The following HSPH1 variants were observed in gnomAD, a reference collection of about 807,000 sequenced individuals.
HSPH1 encodes the protein heat shock protein 105 kDa.
In HSPH1, 40 loss-of-function variants were observed where a neutral mutation model predicts 100.0. The observed-to-expected ratio is 0.40, with a 90% CI of 0.31 to 0.52. HSPH1 has a LOEUF of 0.52. Ranked by LOEUF, HSPH1 falls within the 20% of genes least tolerant of loss-of-function variation. The pLI, the probability that HSPH1 is intolerant of heterozygous loss-of-function variation, is 0.54. For missense variants in HSPH1, 876 were observed against 1,015.1 expected (o/e 0.86, Z 1.86); for synonymous variants, 403 against 344.0 (o/e 1.17, Z -1.90).
rs145814038 is a variant in HSPH1 at position 31,150,319 on chromosome 13, T to A, written c.909-137A>T. On this transcript the variant is annotated intron_variant, in intron 7 of 17. Transcript: ENST00000320027. The stretch of plus-strand genomic sequence containing the variant: ...GGGCCAAGTTTAGCTGTATTGTAGT[T>A]TATAGCTCTTTTGTTTTTGATAAAT... 3.0e-5 allele frequency: 18 copies of A among 603,634 alleles called. No individual in the cohort carries two copies. The African/African-American group carries it at 3.4e-4, about 11-fold the overall frequency. 37.4% of individuals were successfully genotyped at this position (603,634 alleles called of 1,614,324 possible). A position where few individuals can be genotyped will look rare whatever the true frequency, so the allele number is the denominator to read the frequency against.
intron 6 of HSPH1, 21 bp downstream of exon 6, chr13:31,151,588 A>G: frequency 6.3e-7 from 1 of 1,599,436 alleles, no homozygotes. Flanking sequence ...TTGGACACTG[A>G]GTTCCAATGT....
At chr13:31,144,071 A>G (rs1593187626) in intron 11 of HSPH1, 148 bp from the exon 12 acceptor site, 1 of 619,882 alleles carries the variant, frequency 1.6e-6, no homozygotes, top group Non-Finnish European at 2.4e-6. Flanking sequence ...CAAAATGAAC[A>G]AAGTACTTGA....
At position 31,138,500 on chromosome 13, in the gene HSPH1, C is replaced by T; in HGVS notation, c.2277G>A (p.Met759Ile). The T allele has an allele frequency of 1.2e-6, 2 of 1,612,894 alleles. No individual in the cohort carries two copies. The highest frequency in any genetic ancestry group is 1.1e-5 in the South Asian group (1 of 91,036). The change falls in exon 17 of 18, where the codon ATG (methionine) becomes ATA (isoleucine). Residue 759 changes from methionine to isoleucine, a missense_variant. Transcript: ENST00000320027. The part of the protein sequence containing the change: ...KKVEKSVNEV[M>I]EWMNNVMNAQ... ...CATTCATGACATTATTCATCCATTC[C>T]ATCACTTCATTAACAGACTTCTCCA... is the stretch of plus-strand genomic sequence containing the variant.
At chr13:31,141,454 C>T (rs944865041) in intron 12 of HSPH1, among the ~76,000 whole-genome samples, 195 bp from the exon 13 acceptor site, 2 of 152,028 alleles carry the variant, frequency 1.3e-5, no homozygotes, top group African/African-American at 4.8e-5. Context: ...CCATACCTTC[C>T]TTCAGGAATT....
At chr13:31,162,385 GTGTGCGCCTTGCATGC>G (rs1346630638), upstream of HSPH1, 2 of 511,196 alleles carry the variant, frequency 3.9e-6, no homozygotes, top group Non-Finnish European at 7.1e-6. Flanking sequence ...GCTGGGAGAA[GTGTGCGCCTTGCATGC>G]TGGGATGTGT....
rs1178394218 is a variant in HSPH1, at chr13:31,158,749, T to A, written c.165+57A>T. The A allele has an allele frequency of 3.6e-6, 4 of 1,101,208 alleles. No individual in the cohort carries two copies. The African/African-American group carries it at 4.6e-5, about 13-fold the overall frequency. 68.2% of individuals were successfully genotyped at this position (1,101,208 alleles called of 1,614,324 possible). A position where few individuals can be genotyped will look rare whatever the true frequency, so the allele number is the denominator to read the frequency against. On this transcript the variant is annotated intron_variant, in intron 2 of 17. Transcript: ENST00000320027. Reference sequence around the variant, plus strand: ...TACCCTCTTATATGTCTCTTGAGATTTTCCTTTTAAAAACTCCCCCCTTAA... The same window carrying A: ...TACCCTCTTATATGTCTCTTGAGATATTCCTTTTAAAAACTCCCCCCTTAA...
intron 1 of HSPH1, among the ~76,000 whole-genome samples, chr13:31,160,674 C>A (rs890988729): frequency 6.6e-6 from 1 of 152,296 alleles, no homozygotes; most frequent in East Asian, 1.9e-4. Flanking sequence ...GACATCCATC[C>A]TCTTTTGGCG....
At chr13:31,147,481 C>CA (rs1169907023) in intron 10 of HSPH1, among the ~76,000 whole-genome samples, 2 of 151,858 alleles carry the variant, frequency 1.3e-5, no homozygotes, top group South Asian at 4.1e-4. Flanking sequence ...AAGTGTCCCC[C>CA]CAAAATATGT....
chr13:31,149,576 T>C (rs1450995324), intron 8 of HSPH1, among the ~76,000 whole-genome samples: 1 of 152,178 alleles, frequency 6.6e-6, no homozygotes, highest in Non-Finnish European at 1.5e-5. Flanking sequence ...TTAATATTTC[T>C]AACACCCTGA....
chr13:31,139,492 C>T (rs1198659868), intron 14 of HSPH1, among the ~76,000 whole-genome samples: 1 of 151,996 alleles, frequency 6.6e-6, no homozygotes, highest in Non-Finnish European at 1.5e-5. Flanking sequence ...TCTACTGTAG[C>T]CCTGGGAGGT....
intron 12 of HSPH1, among the ~76,000 whole-genome samples, chr13:31,141,815 C>A (rs1411633423): frequency 6.6e-6 from 1 of 151,718 alleles, no homozygotes; most frequent in Admixed American, 6.6e-5. Context: ...CACACACACA[C>A]ACACACACAC....
At chr13:31,142,056 CAA>C (rs554729185) in intron 12 of HSPH1, among the ~76,000 whole-genome samples, 146 of 152,036 alleles carry the variant, frequency 9.6e-4, no homozygotes, top group African/African-American at 3.3e-3. Flanking sequence ...CCTACTAATA[CAA>C]AAATGACAAA....
chr13:31,150,174 A>T lies in HSPH1; in HGVS notation c.917T>A (p.Phe306Tyr). The T allele has an allele frequency of 6.3e-7, 1 of 1,576,322 alleles. No homozygotes were observed. The change falls in exon 8 of 18, where the codon TTT becomes TAT. Residue 306 changes from phenylalanine (F) to tyrosine (Y), a missense_variant. Physicochemically the swap from Phe to Tyr is conservative, Grantham distance 22. Transcript: ENST00000320027. ...CAGAAGTTCAGCACAGAGTTCTTCAAATTGTGACCTTAGCAAATAAAAACT... is the reference window on the plus strand; with the variant it reads ...CAGAAGTTCAGCACAGAGTTCTTCATATTGTGACCTTAGCAAATAAAAACT... Reference protein sequence around the residue: ...DVSGKMNRSQFEELCAELLQK... With the variant: ...DVSGKMNRSQYEELCAELLQK...
intron 10 of HSPH1, 71 bp downstream of exon 10, chr13:31,147,888 A>G (rs1566003846): frequency 3.0e-6 from 4 of 1,335,714 alleles, no homozygotes; most frequent in Non-Finnish European, 4.1e-6. Flanking sequence ...GACAACTTTT[A>G]AAGTTTGTAC....
upstream of HSPH1, chr13:31,161,949 C>A (rs1184804857): frequency 1.3e-6 from 2 of 1,535,828 alleles, no homozygotes; most frequent in Non-Finnish European, 1.7e-6. Context: ...TCGCACTGAT[C>A]AGAACTTTCC....
At chr13:31,140,388 T>TA in intron 13 of HSPH1, 79 bp from the exon 14 acceptor site, 27 of 1,376,952 alleles carry the variant, frequency 2.0e-5, no homozygotes, top group East Asian at 1.2e-4. Context: ...CTCTGGGGTT[T>TA]AAAAAAAATG....
rs1352627297 is a variant in HSPH1 at position 31,138,398 on chromosome 13, A to G, written c.2370+9T>C. Reference sequence around the variant, plus strand: ...AACCCAGCAGTAAACACGAGACAGTAACACTCACCTTGATTTTTGTTTTAA... The same window carrying G: ...AACCCAGCAGTAAACACGAGACAGTGACACTCACCTTGATTTTTGTTTTAA... On this transcript the variant is annotated intron_variant, in intron 17 of 17. Coordinates refer to ENST00000320027, the MANE Select transcript of HSPH1 (RefSeq NM_006644.4). The G allele has an allele frequency of 9.9e-6, 16 of 1,612,070 alleles. No individual in the cohort carries two copies. The highest frequency in any genetic ancestry group is 2.7e-5 in the African/African-American group (2 of 74,806).
At chr13:31,161,025 A>G (rs1475351837) in intron 1 of HSPH1, among the ~76,000 whole-genome samples, 1 of 152,208 alleles carries the variant, frequency 6.6e-6, no homozygotes, top group Admixed American at 6.5e-5. Flanking sequence ...CGCGGTGCGC[A>G]AAGATATGCG....
intron 17 of HSPH1, among the ~76,000 whole-genome samples, chr13:31,138,199 G>C (rs1051173751): frequency 6.6e-6 from 1 of 152,090 alleles, no homozygotes; most frequent in Admixed American, 6.6e-5. Flanking sequence ...TACACTTGTT[G>C]AAATGAATGA....
Sources: gnomAD v4.1 joint callset for allele counts (sites outside exome capture counted in the v4.1 genomes callset) on GRCh38, gnomAD v4.1.1 for gene constraint, MANE v1.5 for transcripts, NCBI Gene and HGNC (gene_info 2026-07-23, HGNC 2026-07-21) for gene names.